Variants in ZNF385D observed in about 807,000 individuals in gnomAD.
The protein encoded by ZNF385D is zinc finger protein 385D, also known as zinc finger protein 659.
In ZNF385D, 15 loss-of-function variants were observed where a neutral mutation model predicts 35.8. The ratio of observed to expected loss-of-function variants is 0.42; its 90% CI spans 0.28 to 0.64. The LOEUF (loss-of-function observed/expected upper bound fraction) is 0.64. Among genes scored for constraint, ZNF385D ranks in the 30% least tolerant of loss-of-function variants. The probability of loss-of-function intolerance (pLI) is 0.23; values close to 1 mark genes in which losing one functional copy is unlikely to be tolerated. For synonymous variants in ZNF385D, 212 were observed against 186.8 expected (o/e 1.13, Z -1.10); for missense variants, 474 against 494.6 (o/e 0.96, Z 0.39).
At chr3:22,280,860 G>T in intron 2 of ZNF385D, among the ~76,000 whole-genome samples, 1 of 151,654 alleles carries the variant, frequency 6.6e-6, no homozygotes, top group East Asian at 1.9e-4. Context: ...TTGGCATTAT[G>T]GTCATTTTCA....
At chr3:22,305,594 A>T (rs1439829967) in intron 2 of ZNF385D, among the ~76,000 whole-genome samples, 2 of 152,138 alleles carry the variant, frequency 1.3e-5, no homozygotes, top group Admixed American at 1.3e-4. Flanking sequence ...CAGGAAAAAG[A>T]GTATGGTGAA....
At chr3:22,240,253 C>T (rs1699419811) in intron 2 of ZNF385D, among the ~76,000 whole-genome samples, 1 of 147,456 alleles carries the variant, frequency 6.8e-6, no homozygotes, top group African/African-American at 2.5e-5. Context: ...TAGAAATTTT[C>T]TGGCTTGCAA....
Position 21,728,361 on chromosome 3 carries a change from C to A in ZNF385D, c.22+22534G>T, listed in dbSNP as rs1416021861. On this transcript the variant is annotated intron_variant, in intron 1 of 7. Coordinates refer to ENST00000281523, the MANE Select transcript of ZNF385D (RefSeq NM_024697.3). ...TACAACAAATATGGTGGCATTTTAT[C>A]TACCAGACTCAGGTTATGGAAAAAC... Among the ~76,000 whole-genome samples the A allele has an allele frequency of 2.0e-5, 3 of 151,892 alleles. No homozygotes were observed. The South Asian group carries it at 6.2e-4, about 32-fold the overall frequency.
intron 2 of ZNF385D, among the ~76,000 whole-genome samples, chr3:22,308,150 C>A (rs577387048): frequency 6.6e-6 from 1 of 152,036 alleles, no homozygotes; most frequent in South Asian, 2.1e-4. Flanking sequence ...AAAGAATGTA[C>A]GTTATTTAAA....
chr3:21,855,987 G>A (rs1376344762), intron 3 of ZNF385D, among the ~76,000 whole-genome samples: 1 of 151,818 alleles, frequency 6.6e-6, no homozygotes, highest in South Asian at 2.1e-4. Context: ...TATCCTCTAA[G>A]TTTATGTGTA....
chr3:21,491,785 A>G (rs1027682820), intron 4 of ZNF385D, among the ~76,000 whole-genome samples: 11 of 152,190 alleles, frequency 7.2e-5, no homozygotes, highest in African/African-American at 2.7e-4. Flanking sequence ...TGCAGAAAAA[A>G]TAATTGCTAA....
At chr3:21,566,353 G>A (rs1190949815) in intron 2 of ZNF385D, among the ~76,000 whole-genome samples, 10 of 152,238 alleles carry the variant, frequency 6.6e-5, no homozygotes, top group Admixed American at 5.2e-4. Context: ...GGCCAGGCAC[G>A]ATAGCTCATG....
intron 1 of ZNF385D, among the ~76,000 whole-genome samples, chr3:21,687,412 GC>G (rs1418773811): frequency 6.6e-6 from 1 of 151,970 alleles, no homozygotes; most frequent in Non-Finnish European, 1.5e-5. Context: ...TTATTAATAG[GC>G]CACTTTTTGG....
intron 3 of ZNF385D, among the ~76,000 whole-genome samples, chr3:22,081,445 T>G (rs1372013185): frequency 6.6e-6 from 1 of 152,212 alleles, no homozygotes; most frequent in Non-Finnish European, 1.5e-5. Context: ...TAAGCAAGTT[T>G]TTAGAACTAT....
At chr3:21,994,601 C>T (rs1695349452) in intron 3 of ZNF385D, among the ~76,000 whole-genome samples, 1 of 152,058 alleles carries the variant, frequency 6.6e-6, no homozygotes, top group Non-Finnish European at 1.5e-5. Flanking sequence ...GTTATGTTAG[C>T]TTGCTTTTTC....
intron 3 of ZNF385D, among the ~76,000 whole-genome samples, chr3:21,785,135 G>A (rs974187722): frequency 3.9e-5 from 6 of 152,082 alleles, no homozygotes; most frequent in African/African-American, 1.4e-4. Flanking sequence ...GAGGATAAAA[G>A]CTTTTTAATA....
At chr3:21,565,144 A>G (rs1354984801) in intron 2 of ZNF385D, among the ~76,000 whole-genome samples, 2 of 152,126 alleles carry the variant, frequency 1.3e-5, no homozygotes, top group Non-Finnish European at 2.9e-5. Flanking sequence ...TATGTTTGGT[A>G]TCTTTTAGAC....
intron 7 of ZNF385D, 142 bp downstream of exon 7, chr3:21,423,821 T>C (rs1486634135): frequency 1.4e-6 from 1 of 696,726 alleles, no homozygotes; most frequent in Non-Finnish European, 2.3e-6. Flanking sequence ...CTTTTCCCTA[T>C]GATCTATGAT....
intron 3 of ZNF385D, among the ~76,000 whole-genome samples, chr3:21,884,083 G>A (rs1257174896): frequency 6.6e-6 from 1 of 151,946 alleles, no homozygotes; most frequent in Non-Finnish European, 1.5e-5. Flanking sequence ...CAAAGAAAAG[G>A]GAGACATAGG....
At chr3:21,806,935 A>G (rs2072679153) in intron 3 of ZNF385D, among the ~76,000 whole-genome samples, 1 of 152,340 alleles carries the variant, frequency 6.6e-6, no homozygotes, top group South Asian at 2.1e-4. Flanking sequence ...ATTTATCTCC[A>G]AACAGAAATT....
intron 3 of ZNF385D, among the ~76,000 whole-genome samples, chr3:22,162,326 G>A (rs1706012310): frequency 1.3e-5 from 2 of 152,150 alleles, no homozygotes; most frequent in Admixed American, 6.6e-5. Context: ...CTGTCTTTTT[G>A]TGGGAGGGTT....
At chr3:21,925,981 A>G (rs1700706114) in intron 3 of ZNF385D, among the ~76,000 whole-genome samples, 1 of 152,200 alleles carries the variant, frequency 6.6e-6, no homozygotes, top group Admixed American at 6.5e-5. Flanking sequence ...GATAACAACA[A>G]ATATTAGTAA....
intron 2 of ZNF385D, among the ~76,000 whole-genome samples, chr3:22,202,073 G>C (rs1386893098): frequency 6.6e-6 from 1 of 152,020 alleles, no homozygotes. Context: ...AAACTGGGAA[G>C]TTGGAGGACC....
At chr3:22,057,953 A>C (rs1335143924) in intron 3 of ZNF385D, among the ~76,000 whole-genome samples, 1 of 152,240 alleles carries the variant, frequency 6.6e-6, no homozygotes, top group East Asian at 1.9e-4. Flanking sequence ...CATGCCATTT[A>C]GGCCATATTC....
Sources: allele counts gnomAD v4.1 joint callset (sites outside exome capture counted in the v4.1 genomes callset), GRCh38; gene constraint gnomAD v4.1.1; transcripts MANE v1.5; gene names NCBI Gene and HGNC (gene_info 2026-07-23, HGNC 2026-07-21).